Variants in WDFY1 observed in about 807,000 individuals in gnomAD.
WDFY1 encodes WD repeat and FYVE domain-containing protein 1.
WDFY1 carries 32 observed loss-of-function variants against 56.4 expected under a neutral mutation model. The observed-to-expected ratio is 0.57, with a 90% CI of 0.43 to 0.76. WDFY1 has a LOEUF of 0.76. Ranked by LOEUF, WDFY1 falls within the 30% of genes least tolerant of loss-of-function variation. The pLI, the probability that WDFY1 is intolerant of heterozygous loss-of-function variation, is 0.00. For missense variants in WDFY1, 480 were observed against 545.7 expected (o/e 0.88, Z 1.20); for synonymous variants, 192 against 197.3 (o/e 0.97, Z 0.23).
At chr2:223,943,328 T>C (rs751943519) in intron 1 of WDFY1, among the ~76,000 whole-genome samples, 19 of 152,266 alleles carry the variant, frequency 1.2e-4, no homozygotes, top group Middle Eastern at 3.4e-3. Context: ...CCCCTCCTTG[T>C]TGGAAGTCAG....
chr2:223,900,979 T>A (rs1693498414), intron 5 of WDFY1: 2 of 535,134 alleles, frequency 3.7e-6, no homozygotes, highest in Non-Finnish European at 6.2e-6. Context: ...GGATTTTCAG[T>A]GAAATATGTA....
At chr2:223,926,587 A>G (rs1190483844) in intron 1 of WDFY1, among the ~76,000 whole-genome samples, 1 of 152,182 alleles carries the variant, frequency 6.6e-6, no homozygotes, top group African/African-American at 2.4e-5. Flanking sequence ...TGCATTTTCA[A>G]TAAGCAAATA....
intron 1 of WDFY1, among the ~76,000 whole-genome samples, chr2:223,927,370 G>C (rs1694001423): frequency 6.6e-6 from 1 of 152,156 alleles, no homozygotes; most frequent in African/African-American, 2.4e-5. Context: ...AGATCTTCTG[G>C]ATAACTTGCT....
At chr2:223,942,259 G>A (rs930418117) in intron 1 of WDFY1, among the ~76,000 whole-genome samples, 3 of 150,068 alleles carry the variant, frequency 2.0e-5, no homozygotes, top group South Asian at 2.1e-4. Flanking sequence ...TGGCTCTATC[G>A]CCCAGGCTGG....
chr2:223,897,351 C>CATATATAT (rs1194128689), intron 6 of WDFY1, among the ~76,000 whole-genome samples: 612 of 53,440 alleles, frequency 0.011, 3 homozygotes, highest in African/African-American at 0.03. Context: ...CTAAATTTCG[C>CATATATAT]ATATATATAT....
intron 2 of WDFY1, 139 bp from the exon 3 acceptor site, chr2:223,912,465 G>T: frequency 1.8e-6 from 1 of 555,076 alleles, no homozygotes; most frequent in Non-Finnish European, 3.0e-6. Flanking sequence ...TACAAATTAC[G>T]TAAATTGAAA....
At chr2:223,893,955 T>C (rs1313573055) in intron 8 of WDFY1, among the ~76,000 whole-genome samples, 2 of 152,246 alleles carry the variant, frequency 1.3e-5, no homozygotes, top group African/African-American at 4.8e-5. Flanking sequence ...GCCAGAAATC[T>C]GTCTCAAAGT....
chr2:223,878,756 A>G, intron 11 of WDFY1, 26 bp from the exon 12 acceptor site: 1 of 1,613,900 alleles, frequency 6.2e-7, no homozygotes, highest in Non-Finnish European at 8.5e-7. Flanking sequence ...AAACGCAGAA[A>G]AGGCAGCAGT....
intron 2 of WDFY1, among the ~76,000 whole-genome samples, chr2:223,915,056 T>C (rs1693764882): frequency 6.6e-6 from 1 of 152,232 alleles, no homozygotes; most frequent in African/African-American, 2.4e-5. Context: ...ATCCTTCTTT[T>C]TGTATCCTAA....
At position 223,896,155 on chromosome 2, in the gene WDFY1, C is replaced by CAAAAAAAAAAAAAAAAAAAAAAAAAAAAA. The variant is rs71058956; in HGVS notation, c.599-526_599-525insTTTTTTTTTTTTTTTTTTTTTTTTTTTTT. Among the ~76,000 whole-genome samples the CAAAAAAAAAAAAAAAAAAAAAAAAAAAAA allele has an allele frequency of 3.5e-4, 14 of 39,838 alleles. 1 individual carries two copies. The highest frequency in any genetic ancestry group is 1.8e-3 in the South Asian group (1 of 570). 26.1% of individuals were successfully genotyped at this position (39,838 alleles called of 152,430 possible). ...TGGGTGACAGAGTGAGACTCTGTCT[C>CAAAAAAAAAAAAAAAAAAAAAAAAAAAAA]AAAAAAAAAAAAAAAAAAAAAAAAA... On this transcript the variant is annotated intron_variant, in intron 6 of 11. Coordinates refer to ENST00000233055, the MANE Select transcript of WDFY1 (RefSeq NM_020830.5).
At chr2:223,881,081 G>C (rs879375071) in intron 10 of WDFY1, among the ~76,000 whole-genome samples, 4 of 152,248 alleles carry the variant, frequency 2.6e-5, no homozygotes, top group Admixed American at 6.5e-5. Context: ...AAAGAAAATA[G>C]TGGTTCTGTC....
At chr2:223,917,628 C>T (rs569587818) in intron 2 of WDFY1, among the ~76,000 whole-genome samples, 20 of 151,882 alleles carry the variant, frequency 1.3e-4, no homozygotes, top group Non-Finnish European at 1.9e-4. Flanking sequence ...GGCTGGAGTG[C>T]GGTGGAGCAA....
chr2:223,940,092 G>A (rs1469766305), intron 1 of WDFY1, among the ~76,000 whole-genome samples: 3 of 152,160 alleles, frequency 2.0e-5, no homozygotes, highest in Admixed American at 6.5e-5. Context: ...AGGCCGAGGC[G>A]GGTGGATCAC....
Position 223,913,993 on chromosome 2 carries a change from C to CTTTTTTTTT in WDFY1, c.206-1676_206-1668dup, listed in dbSNP as rs386392770. 6.4e-4 allele frequency among the ~76,000 whole-genome samples: 56 copies of CTTTTTTTTT among 88,140 alleles called. 2 individuals are homozygous for CTTTTTTTTT. The highest frequency in any genetic ancestry group is 7.6e-4 in the Non-Finnish European group (39 of 51,088). 57.8% of individuals were successfully genotyped at this position (88,140 alleles called of 152,430 possible). A position where few individuals can be genotyped will look rare whatever the true frequency, so the allele number is the denominator to read the frequency against. ...AGGAATCATCTTTCAAATCAGTTAGCTTTTTTTTTTTTTTTTTTTTTTTGA... is the reference window on the plus strand; with the variant it reads ...AGGAATCATCTTTCAAATCAGTTAGCTTTTTTTTTTTTTTTTTTTTTTTTTTTTTTTTGA... On this transcript the variant is annotated intron_variant, in intron 2 of 11. Transcript: ENST00000233055.
At chr2:223,943,915 C>T (rs1178994852) in intron 1 of WDFY1, among the ~76,000 whole-genome samples, 1 of 152,188 alleles carries the variant, frequency 6.6e-6, no homozygotes, top group African/African-American at 2.4e-5. Context: ...TTCCCAAAAG[C>T]ATGGTGGGCG....
Position 223,894,204 on chromosome 2 carries a change from G to A in WDFY1, c.831+30C>T, listed in dbSNP as rs765352828. The stretch of plus-strand genomic sequence containing the variant: ...AGCCAGGTTCCTGGGGGTCTCCCCC[G>A]ATCAGCCTGGACTTGCCCTTGTCTC... On this transcript the variant is annotated intron_variant, in intron 8 of 11. Transcript: ENST00000233055. 44 of 1,610,866 alleles carry A rather than the reference G, an allele frequency of 2.7e-5. 1 individual carries two copies. In the Middle Eastern group the frequency reaches 8.2e-4, roughly 30 times the overall value.
chr2:223,913,340 G>A (rs1367357694), intron 2 of WDFY1, among the ~76,000 whole-genome samples: 2 of 152,018 alleles, frequency 1.3e-5, no homozygotes, highest in Non-Finnish European at 2.9e-5. Context: ...TATAATACTG[G>A]ATCGTACCCC....
At chr2:223,901,038 T>TA (rs5839028) in intron 5 of WDFY1, 145 bp downstream of exon 5, 211 of 780,684 alleles carry the variant, frequency 2.7e-4, no homozygotes, top group East Asian at 1.9e-3. Flanking sequence ...CTTTCCATGG[T>TA]AAAAAAAAAA....
chr2:223,917,801 AC>A (rs538129468), intron 2 of WDFY1, 141 bp downstream of exon 2: 2 of 802,678 alleles, frequency 2.5e-6, no homozygotes, highest in Non-Finnish European at 3.9e-6. Flanking sequence ...CAAACTCCTG[AC>A]CCCAGGTGAT....
Sources: allele counts gnomAD v4.1 joint callset (sites outside exome capture counted in the v4.1 genomes callset), GRCh38; gene constraint gnomAD v4.1.1; transcripts MANE v1.5; gene names NCBI Gene and HGNC (gene_info 2026-07-23, HGNC 2026-07-21).